Variants in PRSS12 observed in about 807,000 individuals in gnomAD.
PRSS12 encodes the protein serine protease 12.
A neutral mutation model predicts 104.4 loss-of-function variants in PRSS12; 85 were observed. That is an observed-to-expected ratio of 0.81 (90% CI 0.68 to 0.98). The LOEUF is 0.98. Ranked by LOEUF, PRSS12 falls within the 50% of genes least tolerant of loss-of-function variation. The probability of loss-of-function intolerance (pLI) is 0.00; values close to 1 mark genes in which losing one functional copy is unlikely to be tolerated. For synonymous variants in PRSS12, 454 were observed against 425.2 expected (o/e 1.07, Z -0.83); for missense variants, 1,141 against 1,139.2 (o/e 1.00, Z -0.02).
chr4:118,316,297 T>A lies in PRSS12; in HGVS notation c.1177A>T (p.Lys393Ter). The A allele has an allele frequency of 6.2e-7, 1 of 1,614,002 alleles. No individual in the cohort carries two copies. The highest frequency in any genetic ancestry group is 8.5e-7 in the Non-Finnish European group (1 of 1,180,004). Residue 393 changes from lysine to a stop codon, truncating the protein, a stop_gained, in exon 6 of 13, where the codon AAA becomes TAA. Coordinates refer to ENST00000296498, the MANE Select transcript of PRSS12 (RefSeq NM_003619.4). LOFTEE classifies it high-confidence loss of function. ...TCCAAGCGACCCTCATGGCTGCCTT[T>A]CCCACCTGCAAGTCTGATGACCCCA... ...TDGVIRLAGG[K>*]GSHEGRLEVY...
chr4:118,316,621 AG>A (rs1178193910), intron 5 of PRSS12, among the ~76,000 whole-genome samples: 1 of 151,946 alleles, frequency 6.6e-6, no homozygotes, highest in Non-Finnish European at 1.5e-5. Context: ...CAGGAGTTCG[AG>A]ATCAGCCTGG....
At chr4:118,347,749 C>T (rs1486277904) in intron 1 of PRSS12, among the ~76,000 whole-genome samples, 2 of 152,142 alleles carry the variant, frequency 1.3e-5, no homozygotes, top group Non-Finnish European at 2.9e-5. Context: ...GGTGCAGTGT[C>T]ATGACTATAG....
At chr4:118,315,673 C>G (rs1458817002) in intron 6 of PRSS12, among the ~76,000 whole-genome samples, 1 of 152,158 alleles carries the variant, frequency 6.6e-6, no homozygotes, top group Non-Finnish European at 1.5e-5. Context: ...AAGTGTGATA[C>G]TCAGCTTTTA....
At position 118,298,822 on chromosome 4, in the gene PRSS12, T is replaced by C; in HGVS notation, c.1748A>G (p.Asp583Gly). 6.2e-7 allele frequency: 1 copy of C among 1,614,168 alleles called. No individual in the cohort carries two copies. The highest frequency in any genetic ancestry group is 8.5e-7 in the Non-Finnish European group (1 of 1,180,024). Residue 583 changes from aspartate to glycine, a missense_variant, in exon 9 of 13, where the codon GAT (aspartate) becomes GGT (glycine). By Grantham distance (94) the Asp-to-Gly change is moderately conservative. Coordinates refer to ENST00000296498, the MANE Select transcript of PRSS12 (RefSeq NM_003619.4). ...GTGGCGGCAGTTGTGTCTTCCAATA[T>C]CTTGCTTGATACAGTCAGCCAAGGA... ...ERSLADCIKQ[D>G]IGRHNCRHSE...
At chr4:118,297,529 T>C (rs1402400960) in intron 9 of PRSS12, among the ~76,000 whole-genome samples, 1 of 151,140 alleles carries the variant, frequency 6.6e-6, no homozygotes, top group Non-Finnish European at 1.5e-5. Context: ...AATATGTATA[T>C]ATATTTAATA....
intron 6 of PRSS12, 80 bp downstream of exon 6, chr4:118,316,089 ATTATTATAAAAAT>A: frequency 7.2e-7 from 1 of 1,390,034 alleles, no homozygotes. Context: ...AGGTATTTTT[ATTATTATAAAAAT>A]TACAAGTAGG....
chr4:118,342,892 G>C (rs755748520), intron 1 of PRSS12, among the ~76,000 whole-genome samples: 17 of 152,232 alleles, frequency 1.1e-4, no homozygotes, highest in Non-Finnish European at 1.6e-4. Flanking sequence ...ATAAAGGAAA[G>C]AAAACATAAA....
intron 4 of PRSS12, among the ~76,000 whole-genome samples, chr4:118,328,553 T>C (rs1303269941): frequency 1.3e-5 from 2 of 152,076 alleles, no homozygotes; most frequent in Admixed American, 6.6e-5. Context: ...GAAAAAAATA[T>C]TTGTCTCAAG....
At chr4:118,325,980 A>C (rs1445325661) in intron 4 of PRSS12, among the ~76,000 whole-genome samples, 1 of 152,134 alleles carries the variant, frequency 6.6e-6, no homozygotes, top group Non-Finnish European at 1.5e-5. Context: ...CTTAAATCTA[A>C]ATTTAGCTAA....
At chr4:118,330,074 C>T (rs748348744) in intron 4 of PRSS12, among the ~76,000 whole-genome samples, 2 of 152,148 alleles carry the variant, frequency 1.3e-5, no homozygotes, top group Non-Finnish European at 2.9e-5. Context: ...TGCCAGTAAT[C>T]ACAGCAAAAC....
At chr4:118,327,037 T>C (rs1422161690) in intron 4 of PRSS12, among the ~76,000 whole-genome samples, 1 of 152,224 alleles carries the variant, frequency 6.6e-6, no homozygotes, top group East Asian at 1.9e-4. Flanking sequence ...CAAATTTGTG[T>C]TGGGCCACAT....
intron 4 of PRSS12, among the ~76,000 whole-genome samples, chr4:118,326,662 A>G (rs1034412475): frequency 8.5e-5 from 13 of 152,230 alleles, no homozygotes; most frequent in Non-Finnish European, 1.6e-4. Context: ...CTATATTTGT[A>G]TTTATTCTTA....
chr4:118,291,783 T>C (rs564243425), intron 11 of PRSS12, among the ~76,000 whole-genome samples: 3 of 152,248 alleles, frequency 2.0e-5, no homozygotes, highest in Non-Finnish European at 2.9e-5. Flanking sequence ...CTGAATTAAT[T>C]TCATGGGCAA....
At chr4:118,283,968 T>C (rs1443107772) in intron 11 of PRSS12, among the ~76,000 whole-genome samples, 1 of 152,216 alleles carries the variant, frequency 6.6e-6, no homozygotes, top group African/African-American at 2.4e-5. Flanking sequence ...TGAATGCTTA[T>C]TATTAATGTA....
intron 6 of PRSS12, among the ~76,000 whole-genome samples, chr4:118,314,025 TAATA>T (rs1361365615): frequency 2.6e-5 from 4 of 152,156 alleles, no homozygotes. Context: ...CCTAAACGTA[TAATA>T]AATATATATG....
At chr4:118,318,873 G>A (rs1405355546) in intron 4 of PRSS12, among the ~76,000 whole-genome samples, 4 of 152,044 alleles carry the variant, frequency 2.6e-5, no homozygotes, top group Admixed American at 2.6e-4. Flanking sequence ...CCTCCTTCTT[G>A]ATGACTAAGT....
chr4:118,307,645 G>T (rs957477442), intron 8 of PRSS12, among the ~76,000 whole-genome samples: 17 of 152,090 alleles, frequency 1.1e-4, no homozygotes, highest in Admixed American at 5.9e-4. Flanking sequence ...CCCAGCTGAG[G>T]TCTAACCAAC....
intron 8 of PRSS12, among the ~76,000 whole-genome samples, chr4:118,299,207 A>C (rs1743331140): frequency 6.6e-6 from 1 of 152,180 alleles, no homozygotes; most frequent in African/African-American, 2.4e-5. Context: ...CACATCAAAA[A>C]ATCATGATAG....
At chr4:118,326,158 T>A (rs79745941) in intron 4 of PRSS12, among the ~76,000 whole-genome samples, 13,202 of 152,206 alleles carry the variant, frequency 0.087, 854 homozygotes, top group East Asian at 0.33. Flanking sequence ...TAATTATTTA[T>A]TAGGTTATAA....
Sources: gnomAD v4.1 joint callset for allele counts (sites outside exome capture counted in the v4.1 genomes callset) on GRCh38, gnomAD v4.1.1 for gene constraint, MANE v1.5 for transcripts, NCBI Gene and HGNC (gene_info 2026-07-23, HGNC 2026-07-21) for gene names.